Variants in LSAMP observed in about 807,000 individuals in gnomAD.
The protein encoded by LSAMP is limbic system-associated membrane protein.
Under a neutral mutation model 38.6 loss-of-function variants are expected in LSAMP, and 7 were observed. The observed-to-expected ratio is 0.18, with a 90% CI of 0.10 to 0.34. LSAMP has a LOEUF of 0.34. Ranked by LOEUF, LSAMP falls within the 10% of genes least tolerant of loss-of-function variation. The probability of loss-of-function intolerance (pLI) is 1.00; values close to 1 mark genes in which losing one functional copy is unlikely to be tolerated. For missense variants in LSAMP, 313 were observed against 420.0 expected, an observed-to-expected ratio of 0.75 and a Z score of 2.23; for synonymous variants, 154 against 166.8, an observed-to-expected ratio of 0.92 and a Z score of 0.59.
intron 1 of LSAMP, among the ~76,000 whole-genome samples, chr3:116,186,978 G>T (rs1710633778): frequency 6.6e-6 from 1 of 152,108 alleles, no homozygotes; most frequent in African/African-American, 2.4e-5. Context: ...GGTGGGAGGG[G>T]TGGTGATGTG....
intron 1 of LSAMP, among the ~76,000 whole-genome samples, chr3:116,112,116 T>A (rs1031524310): frequency 6.6e-6 from 1 of 152,154 alleles, no homozygotes; most frequent in Non-Finnish European, 1.5e-5. Context: ...AATAACAAAA[T>A]TGAAAGTTTT....
intron 1 of LSAMP, among the ~76,000 whole-genome samples, chr3:116,330,034 A>G (rs1384866451): frequency 6.6e-6 from 1 of 152,178 alleles, no homozygotes; most frequent in Admixed American, 6.6e-5. Context: ...CAAAAGGGTA[A>G]TTAACTCACA....
intron 1 of LSAMP, among the ~76,000 whole-genome samples, chr3:116,139,103 A>G (rs1709317023): frequency 6.6e-6 from 1 of 151,894 alleles, no homozygotes; most frequent in East Asian, 1.9e-4. Flanking sequence ...AAGGGCTGAA[A>G]CTTGCCTTAT....
At chr3:115,880,965 G>C (rs1185929597) in intron 3 of LSAMP, among the ~76,000 whole-genome samples, 2 of 151,946 alleles carry the variant, frequency 1.3e-5, no homozygotes, top group Non-Finnish European at 2.9e-5. Flanking sequence ...TTGAACCCAA[G>C]AGGCCGAGGT....
chr3:116,347,889 A>G (rs955774197), intron 1 of LSAMP, among the ~76,000 whole-genome samples: 2 of 152,158 alleles, frequency 1.3e-5, no homozygotes, highest in African/African-American at 4.8e-5. Context: ...AGACAGATAT[A>G]AAAAGAGAAT....
intron 1 of LSAMP, among the ~76,000 whole-genome samples, chr3:116,103,502 C>T (rs1173847100): frequency 7.1e-6 from 1 of 140,310 alleles, no homozygotes; most frequent in African/African-American, 2.6e-5. Flanking sequence ...AGACAGTGTA[C>T]ATATCATATA....
chr3:116,157,129 C>T (rs1709770196), intron 1 of LSAMP, among the ~76,000 whole-genome samples: 2 of 151,912 alleles, frequency 1.3e-5, no homozygotes, highest in African/African-American at 4.8e-5. Context: ...GACCCAAGTA[C>T]CAGGGTGGTT....
At chr3:116,079,631 C>CAAAAAAAA (rs34038261) in intron 2 of LSAMP, among the ~76,000 whole-genome samples, 7 of 86,070 alleles carry the variant, frequency 8.1e-5, no homozygotes, top group Non-Finnish European at 1.2e-4. Flanking sequence ...GACTCTGTCT[C>CAAAAAAAA]AAAAAAAAAA....
intron 2 of LSAMP, among the ~76,000 whole-genome samples, chr3:116,082,775 C>T (rs766612646): frequency 1.8e-4 from 27 of 152,046 alleles, no homozygotes; most frequent in Non-Finnish European, 2.8e-4. Context: ...CCCTAGTAAA[C>T]TAATGCAGGA....
chr3:115,995,110 T>C (rs796269818), intron 3 of LSAMP, among the ~76,000 whole-genome samples: 4 of 152,254 alleles, frequency 2.6e-5, no homozygotes, highest in African/African-American at 9.6e-5. Flanking sequence ...CAACTTTCCA[T>C]ACATAGTATT....
At chr3:116,038,905 A>G (rs1047800543) in intron 2 of LSAMP, among the ~76,000 whole-genome samples, 3 of 152,242 alleles carry the variant, frequency 2.0e-5, no homozygotes, top group African/African-American at 7.2e-5. Flanking sequence ...GCAAATAAAA[A>G]TACCAACCTT....
chr3:115,821,693 G>T (rs988913832), intron 6 of LSAMP, among the ~76,000 whole-genome samples: 2 of 152,188 alleles, frequency 1.3e-5, no homozygotes, highest in South Asian at 4.1e-4. Context: ...GTTTGCAGAA[G>T]TGGGACAGGA....
At chr3:116,108,489 GGGAA>G (rs895416630) in intron 1 of LSAMP, among the ~76,000 whole-genome samples, 11 of 152,072 alleles carry the variant, frequency 7.2e-5, no homozygotes, top group South Asian at 2.1e-4. Context: ...GATTAAGAAG[GGGAA>G]GGACTTACCT....
intron 1 of LSAMP, among the ~76,000 whole-genome samples, chr3:116,300,786 T>G (rs2047396798): frequency 6.6e-6 from 1 of 152,124 alleles, no homozygotes; most frequent in African/African-American, 2.4e-5. Flanking sequence ...AGTTTGGGGA[T>G]GGCTGACTTA....
At chr3:116,350,863 T>G (rs986092789) in intron 1 of LSAMP, among the ~76,000 whole-genome samples, 3 of 152,060 alleles carry the variant, frequency 2.0e-5, no homozygotes, top group African/African-American at 7.2e-5. Context: ...TTGCTGTCAC[T>G]TTAAACTGTA....
At chr3:115,912,469 G>C (rs1012207493) in intron 3 of LSAMP, among the ~76,000 whole-genome samples, 1 of 152,156 alleles carries the variant, frequency 6.6e-6, no homozygotes, top group African/African-American at 2.4e-5. Context: ...TCTCCATGTG[G>C]ACTCTACTGA....
chr3:115,894,551 C>T (rs558258068), intron 3 of LSAMP, among the ~76,000 whole-genome samples: 5 of 152,104 alleles, frequency 3.3e-5, no homozygotes, highest in East Asian at 3.9e-4. Context: ...GCTTCTTTGG[C>T]AGACCATCTT....
chr3:116,299,281 T>G (rs2047375419), intron 1 of LSAMP, among the ~76,000 whole-genome samples: 1 of 152,194 alleles, frequency 6.6e-6, no homozygotes, highest in South Asian at 2.1e-4. Context: ...ATGTATAATC[T>G]GAGACAGGTA....
intron 2 of LSAMP, among the ~76,000 whole-genome samples, chr3:116,038,906 T>C (rs751015263): frequency 6.6e-6 from 1 of 152,214 alleles, no homozygotes; most frequent in Non-Finnish European, 1.5e-5. Context: ...CAAATAAAAA[T>C]ACCAACCTTA....
Sources: gnomAD v4.1 joint callset for allele counts (sites outside exome capture counted in the v4.1 genomes callset) on GRCh38, gnomAD v4.1.1 for gene constraint, MANE v1.5 for transcripts, NCBI Gene and HGNC (gene_info 2026-07-23, HGNC 2026-07-21) for gene names.